Variants in ZFAT observed in about 807,000 individuals in gnomAD.
The protein encoded by ZFAT is zinc finger and AT-hook domain containing.
A neutral mutation model predicts 117.7 loss-of-function variants in ZFAT; 64 were observed. That is an observed-to-expected ratio of 0.54 (90% CI 0.44 to 0.67). The LOEUF (loss-of-function observed/expected upper bound fraction) is 0.67. Among genes scored for constraint, ZFAT ranks in the 30% least tolerant of loss-of-function variants. ZFAT has a pLI of 0.00. For synonymous variants in ZFAT, 679 were observed against 615.0 expected (o/e 1.10, Z -1.54); for missense variants, 1,433 against 1,584.5 (o/e 0.90, Z 1.62).
At chr8:134,593,852 C>T (rs933356785) in intron 7 of ZFAT, among the ~76,000 whole-genome samples, 11 of 152,188 alleles carry the variant, frequency 7.2e-5, no homozygotes, top group African/African-American at 1.2e-4. Flanking sequence ...ATGTGTCAGG[C>T]GCTGCAATGA....
rs190828192 is a variant in ZFAT, at chr8:134,590,256, G to C, written c.2563+12C>G. ...TAACATTAATCTTCCACTCCAAAAT[G>C]CACAACCTTACCAGGATGGTTGGTC... On this transcript the variant is annotated intron_variant, in intron 8 of 15. Transcript: ENST00000377838. 1.3e-4 allele frequency: 201 copies of C among 1,602,142 alleles called. No individual in the cohort carries two copies. The highest frequency in any genetic ancestry group is 1.7e-4 in the Non-Finnish European group (195 of 1,171,850).
At chr8:134,553,284 T>A (rs953154798) in intron 11 of ZFAT, among the ~76,000 whole-genome samples, 4 of 152,104 alleles carry the variant, frequency 2.6e-5, no homozygotes, top group Admixed American at 6.5e-5. Context: ...GGCAGGTGGA[T>A]CAAGAGTTAG....
At chr8:134,491,638 C>G (rs370383273) in intron 15 of ZFAT, among the ~76,000 whole-genome samples, 61 of 152,182 alleles carry the variant, frequency 4.0e-4, no homozygotes, top group African/African-American at 1.4e-3. Flanking sequence ...TGGCCTGCTT[C>G]CATCTTCAAA....
intron 1 of ZFAT, among the ~76,000 whole-genome samples, chr8:134,695,716 G>A (rs918537346): frequency 2.0e-5 from 3 of 149,616 alleles, no homozygotes; most frequent in African/African-American, 7.4e-5. Flanking sequence ...TAACCAAGGA[G>A]GCGCTGCCCC....
intron 1 of ZFAT, chr8:134,696,572 C>T (rs1291547628): frequency 5.1e-6 from 5 of 986,112 alleles, no homozygotes; most frequent in Non-Finnish European, 6.0e-6. Context: ...GGAAGCCCTA[C>T]CATCCTAGTT....
the ZFAT span, among the ~76,000 whole-genome samples, chr8:134,762,643 C>A: frequency 6.6e-5 from 10 of 152,318 alleles, no homozygotes; most frequent in African/African-American, 2.4e-4. Context: ...TCTGTATCTT[C>A]ACTTACAACC....
the ZFAT span, among the ~76,000 whole-genome samples, chr8:134,724,264 G>A: frequency 6.6e-6 from 1 of 152,198 alleles, no homozygotes; most frequent in Non-Finnish European, 1.5e-5. Context: ...GAGGCAGGGA[G>A]ATGCAGTGAG....
chr8:134,697,809 G>A (rs1833909373), intron 1 of ZFAT, among the ~76,000 whole-genome samples: 1 of 149,050 alleles, frequency 6.7e-6, no homozygotes, highest in Admixed American at 6.6e-5. Context: ...TTAAATCCCT[G>A]GGCTCAAGTG....
At chr8:134,653,155 GT>G (rs139144295) in intron 2 of ZFAT, among the ~76,000 whole-genome samples, 116 of 144,538 alleles carry the variant, frequency 8.0e-4, no homozygotes, top group African/African-American at 2.2e-3. Flanking sequence ...TTTTGGTGGG[GT>G]TTTTTTTTTC....
chr8:134,605,895 A>G (rs1014047506), intron 5 of ZFAT, among the ~76,000 whole-genome samples: 1 of 152,184 alleles, frequency 6.6e-6, no homozygotes, highest in African/African-American at 2.4e-5. Context: ...ACTAAATATA[A>G]AAGTAAGCAG....
intron 5 of ZFAT, among the ~76,000 whole-genome samples, chr8:134,605,861 A>C (rs930265430): frequency 6.6e-6 from 1 of 152,240 alleles, no homozygotes; most frequent in Non-Finnish European, 1.5e-5. Context: ...CACCTTCCAG[A>C]AAGTGCCATA....
chr8:134,544,562 TAAAAG>T (rs919539764), intron 11 of ZFAT, among the ~76,000 whole-genome samples: 1 of 151,522 alleles, frequency 6.6e-6, no homozygotes, highest in African/African-American at 2.4e-5. Flanking sequence ...GACCCACACT[TAAAAG>T]AGATAAAGAA....
At chr8:134,579,955 A>AC (rs1376968443) in intron 10 of ZFAT, among the ~76,000 whole-genome samples, 5 of 127,474 alleles carry the variant, frequency 3.9e-5, no homozygotes, top group African/African-American at 1.6e-4. Flanking sequence ...GACACAGGGA[A>AC]CAAAAAAAAA....
chr8:134,609,173 C>T (rs771939773), intron 4 of ZFAT, among the ~76,000 whole-genome samples: 33 of 151,602 alleles, frequency 2.2e-4, no homozygotes, highest in Non-Finnish European at 4.3e-4. Flanking sequence ...CACACATATA[C>T]ATATATATGT....
At chr8:134,677,666 A>T (rs1231450982) in intron 1 of ZFAT, among the ~76,000 whole-genome samples, 1 of 152,340 alleles carries the variant, frequency 6.6e-6, no homozygotes, top group South Asian at 2.1e-4. Flanking sequence ...AATTTAGGCC[A>T]ATATCCTGAT....
intron 1 of ZFAT, among the ~76,000 whole-genome samples, chr8:134,712,127 G>C (rs1814024020): frequency 6.6e-6 from 1 of 152,224 alleles, no homozygotes; most frequent in East Asian, 1.9e-4. Flanking sequence ...AGTCAGGCGA[G>C]CACGCAGGAG....
chr8:134,581,881 T>C (rs1550583), intron 10 of ZFAT, among the ~76,000 whole-genome samples: 151,666 of 152,340 alleles, frequency 1, 75,500 homozygotes, highest in Middle Eastern at 1. Context: ...TGAGCCACTG[T>C]GCCCGACCTG....
At position 134,663,565 on chromosome 8, in the gene ZFAT, C is replaced by T. The variant is rs567426900; in HGVS notation, c.20-5828G>A. ...CAGCCTGGCCAACATGGTGAAACCCCGTCTCCACTAAAAATACAAAAAATT... is the reference window on the plus strand; with the variant it reads ...CAGCCTGGCCAACATGGTGAAACCCTGTCTCCACTAAAAATACAAAAAATT... On this transcript the variant is annotated intron_variant, in intron 1 of 15. Coordinates refer to ENST00000377838, the MANE Select transcript of ZFAT (RefSeq NM_020863.4). Among the ~76,000 whole-genome samples, 13 of 151,936 alleles carry T rather than the reference C, an allele frequency of 8.6e-5. No individual in the cohort carries two copies. In the East Asian group the frequency reaches 2.3e-3, roughly 27 times the overall value.
intron 7 of ZFAT, chr8:134,599,461 G>A (rs1031807992): frequency 1.2e-5 from 3 of 255,556 alleles, no homozygotes; most frequent in African/African-American, 7.0e-5. Flanking sequence ...TATACAGAAG[G>A]CTATTTCATA....
Sources: allele counts gnomAD v4.1 joint callset (sites outside exome capture counted in the v4.1 genomes callset), GRCh38; gene constraint gnomAD v4.1.1; transcripts MANE v1.5; gene names NCBI Gene and HGNC (gene_info 2026-07-23, HGNC 2026-07-21).